VPS54: variants seen among roughly 807,000 people sequenced by gnomAD.
VPS54 encodes vacuolar protein sorting-associated protein 54.
Under a neutral mutation model 121.5 loss-of-function variants are expected in VPS54, and 45 were observed. That is an observed-to-expected ratio of 0.37 (90% CI 0.29 to 0.47). VPS54 has a LOEUF of 0.47. Among genes scored for constraint, VPS54 ranks in the 20% least tolerant of loss-of-function variants. The pLI is 0.99. For missense variants in VPS54, 1,090 were observed against 1,131.4 expected (o/e 0.96, Z 0.52); for synonymous variants, 371 against 385.8 (o/e 0.96, Z 0.45).
chr2:64,010,041 C>G (rs1213304805), intron 1 of VPS54, among the ~76,000 whole-genome samples: 1 of 151,996 alleles, frequency 6.6e-6, no homozygotes, highest in Non-Finnish European at 1.5e-5. Flanking sequence ...GAAGTTTCAC[C>G]ATGTTGGCCA....
chr2:63,943,258 A>G (rs1393026182), intron 10 of VPS54, among the ~76,000 whole-genome samples: 2 of 152,232 alleles, frequency 1.3e-5, no homozygotes, highest in African/African-American at 4.8e-5. Context: ...TTCCCTAAAG[A>G]TATTTTATAG....
chr2:63,955,664 A>G (rs566753991), intron 7 of VPS54, among the ~76,000 whole-genome samples: 78 of 152,124 alleles, frequency 5.1e-4, no homozygotes, highest in Non-Finnish European at 9.3e-4. Flanking sequence ...CTAACACCAA[A>G]CAGTACTTAT....
At chr2:63,898,626 C>T (rs1558975906) in intron 21 of VPS54, among the ~76,000 whole-genome samples, 1 of 152,090 alleles carries the variant, frequency 6.6e-6, no homozygotes, top group South Asian at 2.1e-4. Flanking sequence ...ACGCACTCAA[C>T]CAAGTAAGAG....
rs760863886 is a variant in VPS54 at position 63,942,504 on chromosome 2, A to C, written c.1359T>G (p.Asp453Glu). 1 of 1,598,132 alleles carries C rather than the reference A, an allele frequency of 6.3e-7. No individual in the cohort carries two copies. Among genetic ancestry groups the C allele is most frequent in the South Asian group, 1.1e-5 (1 of 88,438 alleles). ...GGAAAATTGTAAACTTAGAGAAAAT[A>C]TCCTTGAGCAGATCAAACCACTGGG... ...NFPQWFDLLK[D>E]IFSKFTIFLQ... The change falls in exon 11 of 23, where the codon GAT becomes GAG. Residue 453 changes from aspartate to glutamate, a missense_variant. Around this residue, in one of 2 missense-constraint regions of VPS54, gnomAD observed 801 missense variants for 757.0 expected, o/e 1.06. Coordinates refer to ENST00000272322, the MANE Select transcript of VPS54 (RefSeq NM_016516.3).
chr2:64,015,770 T>C lies in VPS54; in HGVS notation c.-21+3168A>G, dbSNP rs1678657139. On this transcript the variant is annotated intron_variant, in intron 1 of 22. Transcript: ENST00000272322. ...TTTTTAAAATTTGGATTTAAAAAAA[T>C]AAGACATTAATAGTATAAGAAGATA... 2.0e-5 allele frequency among the ~76,000 whole-genome samples: 3 copies of C among 151,924 alleles called. No individual in the cohort carries two copies. In the South Asian group the frequency reaches 6.2e-4, roughly 32 times the overall value.
intron 5 of VPS54, among the ~76,000 whole-genome samples, 170 bp downstream of exon 5, chr2:63,968,787 G>GA (rs1206223397): frequency 2.7e-5 from 3 of 111,268 alleles, no homozygotes; most frequent in African/African-American, 1.0e-4. Flanking sequence ...AGGAAGGAAA[G>GA]AAAAAAAGAA....
At chr2:63,942,589 A>G in intron 10 of VPS54, 28 bp from the exon 11 acceptor site, 4 of 1,528,014 alleles carry the variant, frequency 2.6e-6, no homozygotes, top group Non-Finnish European at 3.6e-6. Context: ...AAACAAAAAT[A>G]ATGATTGTCT....
At chr2:63,968,203 G>C (rs929673974) in intron 5 of VPS54, among the ~76,000 whole-genome samples, 3 of 152,004 alleles carry the variant, frequency 2.0e-5, no homozygotes, top group Admixed American at 1.3e-4. Flanking sequence ...GAAAAAAATG[G>C]ATTATACATC....
chr2:63,934,868 G>A (rs1238782085), intron 11 of VPS54, among the ~76,000 whole-genome samples: 1 of 152,096 alleles, frequency 6.6e-6, no homozygotes, highest in East Asian at 1.9e-4. Flanking sequence ...GTAAACTAAT[G>A]TCTTTATGGA....
chr2:63,998,951 C>T (rs1677740729), intron 1 of VPS54, among the ~76,000 whole-genome samples: 3 of 151,862 alleles, frequency 2.0e-5, no homozygotes, highest in Admixed American at 2.0e-4. Flanking sequence ...AGTACATACC[C>T]TTTAGCTTTT....
In VPS54 at chr2:63,944,645, T is replaced by G. The variant is rs1387106892; in HGVS notation, c.1256A>C (p.Asn419Thr). 6.2e-7 allele frequency: 1 copy of G among 1,609,618 alleles called. No homozygotes were observed. Among genetic ancestry groups the G allele is most frequent in the Non-Finnish European group, 8.5e-7 (1 of 1,178,404 alleles). ...AKNIIKQCVINKVSQTEEIDT... is the reference protein window; with the variant it reads ...AKNIIKQCVITKVSQTEEIDT... ...TATTTCTTCTGTTTGTGAAACTTTATTAATCACACACTGCAAAATTTAAGA... is the reference window on the plus strand; with the variant it reads ...TATTTCTTCTGTTTGTGAAACTTTAGTAATCACACACTGCAAAATTTAAGA... Residue 419 changes from asparagine to threonine, a missense_variant, in exon 10 of 23, where the codon AAT becomes ACT. This residue lies in a region of VPS54 where 801 missense variants were observed against 757.0 expected (regional missense o/e 1.06). Transcript: ENST00000272322.
At chr2:63,899,179 C>T (rs954088276) in intron 21 of VPS54, among the ~76,000 whole-genome samples, 3 of 152,110 alleles carry the variant, frequency 2.0e-5, no homozygotes, top group East Asian at 3.9e-4. Context: ...CCAAGAACAG[C>T]GTAATAAATG....
chr2:63,951,230 T>G (rs544124654), intron 7 of VPS54, among the ~76,000 whole-genome samples: 1 of 138,712 alleles, frequency 7.2e-6, no homozygotes, highest in East Asian at 2.0e-4. Context: ...TTTTTTACAG[T>G]CATGGGCAAC....
intron 1 of VPS54, among the ~76,000 whole-genome samples, chr2:64,002,535 T>C (rs1677935681): frequency 6.6e-6 from 1 of 152,210 alleles, no homozygotes; most frequent in Non-Finnish European, 1.5e-5. Flanking sequence ...AATTAGATAT[T>C]CATTCTGACA....
At chr2:63,942,260 T>A (rs565116518) in intron 11 of VPS54, among the ~76,000 whole-genome samples, 12 of 152,134 alleles carry the variant, frequency 7.9e-5, no homozygotes, top group East Asian at 3.9e-4. Flanking sequence ...TCTTTTTAAG[T>A]TATAAAATTA....
At chr2:63,986,728 T>G (rs1677070600) in intron 1 of VPS54, among the ~76,000 whole-genome samples, 1 of 152,228 alleles carries the variant, frequency 6.6e-6, no homozygotes, top group Non-Finnish European at 1.5e-5. Flanking sequence ...GAGGGTTCCC[T>G]ATTCTCCACA....
intron 17 of VPS54, chr2:63,913,973 G>A (rs567836197): frequency 5.5e-6 from 7 of 1,283,782 alleles, no homozygotes; most frequent in Non-Finnish European, 7.2e-6. Context: ...ACAACTCTAT[G>A]GGTGAATGAG....
chr2:63,996,785 C>A (rs1430913066), intron 1 of VPS54, among the ~76,000 whole-genome samples: 2 of 152,138 alleles, frequency 1.3e-5, no homozygotes, highest in Non-Finnish European at 2.9e-5. Context: ...CACCCCCAGG[C>A]TTATTAGGAT....
chr2:63,962,384 T>C lies in VPS54; in HGVS notation c.684A>G (p.Ser228=), dbSNP rs760014273. ...VNIAHQISLR[S]EAFFHAMTSQ... ...AGGTCATTGCATGAAAAAATGCTTC[T>C]GAACGTAGAGAGATCTGGTGAGCAA... Residue 228 remains serine (S), a synonymous_variant, in exon 7 of 23, where the codon TCA becomes TCG. Coordinates refer to ENST00000272322, the MANE Select transcript of VPS54 (RefSeq NM_016516.3). 6.2e-7 allele frequency: 1 copy of C among 1,613,958 alleles called. No individual in the cohort carries two copies. The highest frequency in any genetic ancestry group is 1.3e-5 in the African/African-American group (1 of 75,060).
Sources: allele counts gnomAD v4.1 joint callset (sites outside exome capture counted in the v4.1 genomes callset), GRCh38; gene constraint gnomAD v4.1.1; regional missense constraint gnomAD v4.1.1; transcripts MANE v1.5; gene names NCBI Gene and HGNC (gene_info 2026-07-23, HGNC 2026-07-21).